The following CSMD1 variants were observed in gnomAD, a reference collection of about 807,000 sequenced individuals.
CSMD1 encodes the protein CUB and sushi domain-containing protein 1.
In CSMD1, 213 loss-of-function variants were observed where a neutral mutation model predicts 417.5. The observed-to-expected ratio is 0.51, with a 90% CI of 0.46 to 0.57. CSMD1 has a LOEUF of 0.57. CSMD1 is among the 20% of genes least tolerant of loss of function. CSMD1 has a pLI of 0.00. For missense variants in CSMD1, 6,923 were observed against 4,529.7 expected, an observed-to-expected ratio of 1.53 and a Z score of -15.17; for synonymous variants, 2,862 against 1,736.8, an observed-to-expected ratio of 1.65 and a Z score of -16.11.
At chr8:4,037,622 A>T (rs79566183) in intron 3 of CSMD1, among the ~76,000 whole-genome samples, 218 of 98,780 alleles carry the variant, frequency 2.2e-3, no homozygotes, top group African/African-American at 8.7e-3. Flanking sequence ...TAGGTCTCTT[A>T]TATTTATCAG....
intron 10 of CSMD1, among the ~76,000 whole-genome samples, chr8:3,502,032 C>G (rs1191793371): frequency 6.6e-6 from 1 of 152,142 alleles, no homozygotes. Context: ...ACATAACCAA[C>G]TATATGCTTA....
intron 2 of CSMD1, among the ~76,000 whole-genome samples, chr8:4,529,165 T>A (rs1796670255): frequency 6.6e-6 from 1 of 152,152 alleles, no homozygotes; most frequent in Admixed American, 6.5e-5. Flanking sequence ...CTTTGGGGGA[T>A]CCCTGAGGTA....
chr8:4,159,743 C>T (rs1047389337), intron 3 of CSMD1, among the ~76,000 whole-genome samples: 3 of 152,182 alleles, frequency 2.0e-5, no homozygotes, highest in Non-Finnish European at 4.4e-5. Flanking sequence ...TGCCCGCCAC[C>T]ACGCCCGGCT....
chr8:4,741,607 C>T (rs1471503224), intron 1 of CSMD1, among the ~76,000 whole-genome samples: 4 of 152,136 alleles, frequency 2.6e-5, no homozygotes, highest in Admixed American at 2.0e-4. Flanking sequence ...ACAACAGGAC[C>T]TTTGAGGAAC....
At chr8:3,816,988 C>T (rs554067601) in intron 5 of CSMD1, among the ~76,000 whole-genome samples, 8 of 151,880 alleles carry the variant, frequency 5.3e-5, no homozygotes, top group Non-Finnish European at 1.2e-4. Flanking sequence ...TAAACAGGTT[C>T]GAACAATGCT....
At chr8:3,386,046 T>G (rs530423193) in intron 18 of CSMD1, among the ~76,000 whole-genome samples, 1 of 152,234 alleles carries the variant, frequency 6.6e-6, no homozygotes, top group African/African-American at 2.4e-5. Context: ...TTAGCTCATT[T>G]AAGATTGGTA....
chr8:4,156,695 G>T (rs1796853271), intron 3 of CSMD1, among the ~76,000 whole-genome samples: 1 of 152,064 alleles, frequency 6.6e-6, no homozygotes, highest in South Asian at 2.1e-4. Context: ...ACTGTCAGGG[G>T]CCCAAGAAGA....
intron 7 of CSMD1, among the ~76,000 whole-genome samples, chr8:3,690,519 A>T (rs1290837023): frequency 2.6e-5 from 4 of 152,214 alleles, no homozygotes; most frequent in Admixed American, 2.0e-4. Flanking sequence ...GACGCCTCCC[A>T]AATAGACTGT....
At chr8:3,845,714 T>G (rs1585081982) in intron 5 of CSMD1, among the ~76,000 whole-genome samples, 1 of 152,208 alleles carries the variant, frequency 6.6e-6, no homozygotes, top group South Asian at 2.1e-4. Context: ...TTATAAAGTT[T>G]TTGATTTTTC....
chr8:3,567,810 C>T (rs1799778151), intron 10 of CSMD1, among the ~76,000 whole-genome samples: 1 of 152,162 alleles, frequency 6.6e-6, no homozygotes, highest in African/African-American at 2.4e-5. Context: ...ACATCCTCTG[C>T]AGATCCGTCA....
chr8:2,955,865 A>C (rs967666048), intron 63 of CSMD1, 97 bp from the exon 64 acceptor site: 73 of 1,016,028 alleles, frequency 7.2e-5, no homozygotes, highest in Non-Finnish European at 1.0e-4. Context: ...GGAAATGGTT[A>C]TGCAGTCAAT....
At chr8:4,190,179 A>G (rs1798932330) in intron 3 of CSMD1, among the ~76,000 whole-genome samples, 1 of 150,724 alleles carries the variant, frequency 6.6e-6, no homozygotes, top group Non-Finnish European at 1.5e-5. Context: ...GAATGGCGTG[A>G]ACCTGGGAGG....
intron 3 of CSMD1, among the ~76,000 whole-genome samples, chr8:4,345,406 G>A (rs976787265): frequency 1.3e-5 from 2 of 151,818 alleles, no homozygotes; most frequent in Admixed American, 6.6e-5. Context: ...TTTCATACAT[G>A]GATACAATGT....
chr8:3,390,452 A>T (rs1480313603), intron 17 of CSMD1, among the ~76,000 whole-genome samples: 2 of 151,680 alleles, frequency 1.3e-5, no homozygotes, highest in African/African-American at 4.8e-5. Flanking sequence ...GTCTGTGGAC[A>T]CAGGTAGCCA....
At chr8:4,575,057 C>T (rs1328271451) in intron 2 of CSMD1, among the ~76,000 whole-genome samples, 3 of 152,124 alleles carry the variant, frequency 2.0e-5, no homozygotes, top group Non-Finnish European at 2.9e-5. Flanking sequence ...TAAAAGTATA[C>T]TTGTAATTTA....
intron 7 of CSMD1, among the ~76,000 whole-genome samples, chr8:3,631,392 A>G (rs1796776885): frequency 6.6e-6 from 1 of 152,196 alleles, no homozygotes; most frequent in Non-Finnish European, 1.5e-5. Context: ...CAGTGACTGG[A>G]GTAGCAAAGA....
chr8:4,182,562 G>A (rs372722355), intron 3 of CSMD1, among the ~76,000 whole-genome samples: 1 of 152,132 alleles, frequency 6.6e-6, no homozygotes, highest in Non-Finnish European at 1.5e-5. Context: ...ACATAATGAT[G>A]TATGATCACA....
chr8:3,640,085 A>T (rs1291086749), intron 7 of CSMD1, among the ~76,000 whole-genome samples: 1 of 152,194 alleles, frequency 6.6e-6, no homozygotes, highest in African/African-American at 2.4e-5. Flanking sequence ...TATTTTAAAA[A>T]TTGAAGGCTC....
In CSMD1 at chr8:4,833,214, G is replaced by C. The variant is rs1800256402; in HGVS notation, c.85+161118C>G. 3.3e-5 allele frequency among the ~76,000 whole-genome samples: 5 copies of C among 152,298 alleles called. No homozygotes were observed. In the South Asian group the frequency reaches 1.0e-3, roughly 32 times the overall value. On this transcript the variant is annotated intron_variant, in intron 1 of 69. Coordinates refer to ENST00000635120, the MANE Select transcript of CSMD1 (RefSeq NM_033225.6). ...GAGACTGGGTAATTTATAAAGAAAA[G>C]TGGATTAACTGACTCACAATTCCAC...
Sources: gnomAD v4.1 joint callset for allele counts (sites outside exome capture counted in the v4.1 genomes callset) on GRCh38, gnomAD v4.1.1 for gene constraint, MANE v1.5 for transcripts, NCBI Gene and HGNC (gene_info 2026-07-23, HGNC 2026-07-21) for gene names.